Variants in AGBL4 observed in about 807,000 individuals in gnomAD.
The protein encoded by AGBL4 is AGBL carboxypeptidase 4.
A neutral mutation model predicts 66.4 loss-of-function variants in AGBL4; 58 were observed. The ratio of observed to expected loss-of-function variants is 0.87; its 90% CI spans 0.71 to 1.09. The LOEUF is 1.09. Ranked by LOEUF, AGBL4 falls within the 50% of genes least tolerant of loss-of-function variation. The probability of loss-of-function intolerance (pLI) is 0.00; values close to 1 mark genes in which losing one functional copy is unlikely to be tolerated. For synonymous variants in AGBL4, 234 were observed against 222.9 expected, an observed-to-expected ratio of 1.05 and a Z score of -0.44; for missense variants, 579 against 631.0, an observed-to-expected ratio of 0.92 and a Z score of 0.88.
intron 3 of AGBL4, among the ~76,000 whole-genome samples, chr1:49,514,036 A>G (rs926557388): frequency 2.0e-5 from 3 of 151,952 alleles, no homozygotes; most frequent in Admixed American, 2.0e-4. Context: ...TTATTGGTGT[A>G]TAAGAATGCT....
intron 6 of AGBL4, among the ~76,000 whole-genome samples, chr1:48,844,803 C>T (rs1387479380): frequency 6.6e-6 from 1 of 152,148 alleles, no homozygotes; most frequent in Non-Finnish European, 1.5e-5. Flanking sequence ...CTCATTTATA[C>T]CTCATATGGA....
At chr1:49,871,893 G>C (rs1209822118) in intron 1 of AGBL4, among the ~76,000 whole-genome samples, 2 of 151,930 alleles carry the variant, frequency 1.3e-5, no homozygotes, top group Non-Finnish European at 2.9e-5. Context: ...TCCTTGTATA[G>C]AGGAGTTTAT....
intron 3 of AGBL4, among the ~76,000 whole-genome samples, chr1:49,407,445 T>A (rs1645228543): frequency 6.6e-6 from 1 of 152,242 alleles, no homozygotes; most frequent in African/African-American, 2.4e-5. Context: ...AGTGCAGATT[T>A]TAGACTTAGC....
At chr1:49,112,847 C>T (rs549757252) in intron 4 of AGBL4, among the ~76,000 whole-genome samples, 94 of 152,270 alleles carry the variant, frequency 6.2e-4, no homozygotes, top group African/African-American at 2.2e-3. Flanking sequence ...TCACTGAAGT[C>T]TTGAACCCCT....
chr1:48,592,787 T>C (rs1247086103), intron 9 of AGBL4, among the ~76,000 whole-genome samples: 1 of 152,194 alleles, frequency 6.6e-6, no homozygotes, highest in Non-Finnish European at 1.5e-5. Flanking sequence ...GGAGGTTGCT[T>C]GCTTAAGGTT....
At chr1:49,020,555 T>A (rs2149020962) in intron 5 of AGBL4, among the ~76,000 whole-genome samples, 1 of 152,260 alleles carries the variant, frequency 6.6e-6, no homozygotes, top group East Asian at 1.9e-4. Flanking sequence ...CACCTATCAG[T>A]CTTCCTGAAC....
intron 1 of AGBL4, among the ~76,000 whole-genome samples, chr1:49,951,844 G>A (rs552562719): frequency 6.6e-6 from 1 of 151,970 alleles, no homozygotes; most frequent in East Asian, 1.9e-4. Flanking sequence ...CCTTAAAGTT[G>A]TGGAAAGGAG....
intron 3 of AGBL4, among the ~76,000 whole-genome samples, chr1:49,440,347 C>T (rs1006024615): frequency 9.9e-5 from 15 of 152,122 alleles, no homozygotes; most frequent in South Asian, 2.1e-4. Flanking sequence ...GGATTACAGG[C>T]GTGAGCCACT....
chr1:49,016,714 G>A lies in AGBL4; in HGVS notation c.594+28870C>T, dbSNP rs117265664. Among the ~76,000 whole-genome samples the A allele has an allele frequency of 2.2e-4, 33 of 152,298 alleles. 1 individual carries two copies. The East Asian group carries it at 2.9e-3, about 13-fold the overall frequency. ...TCTATAGTAGTTGGGTAAACAGGTC[G>A]TCAGCGAACCCTGACAGCAGGGATC... On this transcript the variant is annotated intron_variant, in intron 5 of 13. Coordinates refer to ENST00000371839, the MANE Select transcript of AGBL4 (RefSeq NM_032785.4).
chr1:49,599,083 G>T (rs1644905695), intron 3 of AGBL4, among the ~76,000 whole-genome samples: 2 of 152,242 alleles, frequency 1.3e-5, no homozygotes, highest in Non-Finnish European at 2.9e-5. Context: ...TTGTGCCTCT[G>T]CCAGGTGTTG....
chr1:49,995,045 GATGCCACTAGA>G (rs1660260497), intron 1 of AGBL4: 1 of 443,926 alleles, frequency 2.3e-6, no homozygotes, highest in Non-Finnish European at 4.5e-6. Flanking sequence ...CATGGGGAGA[GATGCCACTAGA>G]ATTGGGGAAA....
chr1:49,411,440 C>A (rs998283550), intron 3 of AGBL4, among the ~76,000 whole-genome samples: 1 of 152,164 alleles, frequency 6.6e-6, no homozygotes, highest in African/African-American at 2.4e-5. Context: ...CTGGCAACAC[C>A]CTCATAGACA....
intron 6 of AGBL4, among the ~76,000 whole-genome samples, chr1:48,721,026 G>A (rs1340071072): frequency 6.6e-6 from 1 of 151,284 alleles, no homozygotes; most frequent in Non-Finnish European, 1.5e-5. Context: ...TAGAGCCCCA[G>A]ACTGAGCAGG....
At chr1:49,302,322 G>A (rs1184700132) in intron 3 of AGBL4, among the ~76,000 whole-genome samples, 1 of 151,320 alleles carries the variant, frequency 6.6e-6, no homozygotes, top group East Asian at 1.9e-4. Flanking sequence ...GCGCAATCTT[G>A]GCTCAATGCA....
intron 1 of AGBL4, among the ~76,000 whole-genome samples, chr1:49,894,820 G>A (rs1649023829): frequency 6.6e-6 from 1 of 152,124 alleles, no homozygotes; most frequent in African/African-American, 2.4e-5. Context: ...CCTTAAAGGG[G>A]AGATGAAAAG....
At chr1:48,523,842 C>T in the AGBL4 span, among the ~76,000 whole-genome samples, 1 of 152,146 alleles carries the variant, frequency 6.6e-6, no homozygotes, top group Non-Finnish European at 1.5e-5. Flanking sequence ...ATGGTGTGGC[C>T]TGCTATACAC....
At chr1:49,542,896 CAAAAAAAAAA>C (rs35734647) in intron 3 of AGBL4, among the ~76,000 whole-genome samples, 57 of 22,876 alleles carry the variant, frequency 2.5e-3, no homozygotes, top group East Asian at 3.4e-3. Context: ...AAGACTCCAT[CAAAAAAAAAA>C]AAAAAAAAAA....
At chr1:48,938,160 T>C (rs902877610) in intron 5 of AGBL4, among the ~76,000 whole-genome samples, 3 of 152,234 alleles carry the variant, frequency 2.0e-5, no homozygotes, top group Non-Finnish European at 4.4e-5. Flanking sequence ...AATATAGATA[T>C]GCTATCAACC....
intron 2 of AGBL4, among the ~76,000 whole-genome samples, chr1:49,721,546 G>C (rs991815898): frequency 3.3e-5 from 5 of 152,072 alleles, no homozygotes; most frequent in Non-Finnish European, 7.4e-5. Context: ...GGTAGATCAG[G>C]GTAAGAAAAT....
Sources: gnomAD v4.1 joint callset for allele counts (sites outside exome capture counted in the v4.1 genomes callset) on GRCh38, gnomAD v4.1.1 for gene constraint, MANE v1.5 for transcripts, NCBI Gene and HGNC (gene_info 2026-07-23, HGNC 2026-07-21) for gene names.